NFKBIA: variants seen among roughly 807,000 people sequenced by gnomAD.
NFKBIA encodes the protein NFKB inhibitor alpha, also known as NF-kappa-B inhibitor alpha.
A neutral mutation model predicts 36.3 loss-of-function variants in NFKBIA; 10 were observed. The ratio of observed to expected loss-of-function variants is 0.28; its 90% confidence interval spans 0.17 to 0.47. The LOEUF (loss-of-function observed/expected upper bound fraction) is 0.47, where lower values mean the gene tolerates loss of function less well. Among genes scored for constraint, NFKBIA ranks in the 20% least tolerant of loss-of-function variants. The probability of loss-of-function intolerance (pLI) is 0.99; values close to 1 mark genes in which losing one functional copy is unlikely to be tolerated. For synonymous variants in NFKBIA, 205 were observed against 164.4 expected (o/e 1.25, Z -1.89); for missense variants, 355 against 399.3 (o/e 0.89, Z 0.94).
intron 1 of NFKBIA, 41 bp from the exon 2 acceptor site, chr14:35,403,839 C>A: frequency 6.8e-7 from 1 of 1,478,780 alleles, no homozygotes; most frequent in East Asian, 2.3e-5. Flanking sequence ...GTGGTGAGTG[C>A]ACCGCGTGGG....
In NFKBIA at chr14:35,403,761, G is replaced by A. The variant is rs201058640; in HGVS notation, c.265C>T (p.Leu89=). 16 of 1,614,030 alleles carry A rather than the reference G, an allele frequency of 9.9e-6. No individual in the cohort carries two copies. The highest frequency in any genetic ancestry group is 8.9e-5 in the East Asian group (4 of 44,872). ...HLAIIHEEKA[L]TMEVIRQVKG... ...ACCTGGCGGATCACTTCCATGGTCAGTGCCTTTTCTTCATGGATGATGGCC... is the reference window on the plus strand; with the variant it reads ...ACCTGGCGGATCACTTCCATGGTCAATGCCTTTTCTTCATGGATGATGGCC... Residue 89 remains leucine (L), a synonymous_variant, in exon 2 of 6, where the codon CTG becomes TTG. Transcript: ENST00000216797.
At chr14:35,403,594 C>G (rs770751587) in intron 2 of NFKBIA, 96 bp downstream of exon 2, 3 of 911,606 alleles carry the variant, frequency 3.3e-6, no homozygotes, top group Non-Finnish European at 5.4e-6. Context: ...GTAAATAGTG[C>G]TCAGTGGCCC....
intron 2 of NFKBIA, 86 bp from the exon 3 acceptor site, chr14:35,403,446 G>A (rs1197403453): frequency 1.4e-6 from 2 of 1,443,936 alleles, no homozygotes; most frequent in African/African-American, 1.4e-5. Flanking sequence ...TCCTGGTTGG[G>A]TGCTGCTCCT....
At chr14:35,402,935 A>G in intron 3 of NFKBIA, 76 bp from the exon 4 acceptor site, 2 of 1,439,324 alleles carry the variant, frequency 1.4e-6, no homozygotes, top group South Asian at 2.3e-5. Context: ...TTATGGAACA[A>G]GTAGTCTTAT....
chr14:35,403,400 C>A (rs772730916), intron 2 of NFKBIA, 40 bp from the exon 3 acceptor site: 1 of 1,605,036 alleles, frequency 6.2e-7, no homozygotes, highest in Non-Finnish European at 8.5e-7. Context: ...AAGCCATGGA[C>A]CAAACCCACA....
rs369801548 is a variant in NFKBIA, at chr14:35,404,489, G to T, written c.156C>A (p.Ile52=). 9.4e-6 allele frequency: 15 copies of T among 1,603,424 alleles called. No individual in the cohort carries two copies. The Admixed American group carries it at 1.0e-4, about 11-fold the overall frequency. ...GCGGCACCTCCTGCGGCTCGAGGCG[G>T]ATCTCCTGCAGCTCCTTGACCATCT... ...YEQMVKELQE[I]RLEPQEVPRG... Residue 52 remains isoleucine, a synonymous_variant, in exon 1 of 6, where the codon ATC becomes ATA. Coordinates refer to ENST00000216797, the MANE Select transcript of NFKBIA (RefSeq NM_020529.3).
Position 35,404,293 on chromosome 14 carries a change from C to T in NFKBIA, c.227+125G>A, listed in dbSNP as rs1041596483. 3.7e-5 allele frequency: 23 copies of T among 623,712 alleles called. No individual in the cohort carries two copies. In the African/African-American group the frequency reaches 4.4e-4, roughly 12 times the overall value. 38.6% of individuals were successfully genotyped at this position (623,712 alleles called of 1,614,324 possible). A position where few individuals can be genotyped will look rare whatever the true frequency, so the allele number is the denominator to read the frequency against. On this transcript the variant is annotated intron_variant, in intron 1 of 5. Transcript: ENST00000216797. ...GGGCGGTGCAGGAGCCCCGGGGTGC[C>T]GCGGCGCCCGCCCGGCTGCATCGCT...
Position 35,402,490 on chromosome 14 carries a change from G to T in NFKBIA, c.810C>A (p.Gly270=). 1 of 1,614,160 alleles carries T rather than the reference G, an allele frequency of 6.2e-7. No individual in the cohort carries two copies. Among genetic ancestry groups the T allele is most frequent in the South Asian group, 1.1e-5 (1 of 91,084 alleles). ...RPSTRIQQQL[G]QLTLENLQML... is the part of the protein sequence containing the mutation. ...TCTGAAGGTTTTCTAGTGTCAGCTG[G>T]CCCAGCTGCTGCTGTATCCGGGTGC... The change falls in exon 5 of 6, where the codon GGC becomes GGA. Residue 270 remains glycine (G), a synonymous_variant. Transcript: ENST00000216797.
chr14:35,404,121 G>C (rs1022513534), intron 1 of NFKBIA: 2 of 392,122 alleles, frequency 5.1e-6, no homozygotes, highest in Admixed American at 4.4e-5. Context: ...CGGGGACTTC[G>C]CGTCCCCGCT....
chr14:35,403,632 C>G (rs1024013415), intron 2 of NFKBIA, 58 bp downstream of exon 2: 4 of 1,238,048 alleles, frequency 3.2e-6, no homozygotes, highest in Non-Finnish European at 4.7e-6. Flanking sequence ...TGGGGTGACT[C>G]TGCTACATCA....
intron 5 of NFKBIA, 138 bp downstream of exon 5, chr14:35,402,256 G>A: frequency 7.7e-7 from 1 of 1,301,670 alleles, no homozygotes. Context: ...GTACATTCTT[G>A]GGATACTGGT....
Position 35,403,727 on chromosome 14 carries a change from T to C in NFKBIA, c.299A>G (p.Asp100Gly), listed in dbSNP as rs753891384. The C allele has an allele frequency of 4.3e-5, 69 of 1,613,840 alleles. No homozygotes were observed. The highest frequency in any genetic ancestry group is 5.8e-5 in the Non-Finnish European group (69 of 1,179,930). Residue 100 changes from aspartate (D) to glycine (G), a missense_variant, in exon 2 of 6, where the codon GAC becomes GGC. Asp to Gly is a moderately conservative substitution (Grantham distance 94, BLOSUM62 -1). Transcript: ENST00000216797. ...TMEVIRQVKGDLAFLNFQNNL... is the reference protein window; with the variant it reads ...TMEVIRQVKGGLAFLNFQNNL... ...GTTCTGGAAGTTGAGGAAGGCCAGG[T>C]CTCCCTTCACCTGGCGGATCACTTC...
intron 3 of NFKBIA, 57 bp downstream of exon 3, chr14:35,403,093 C>G: frequency 6.3e-7 from 1 of 1,581,800 alleles, no homozygotes. Context: ...CCACCTGCCC[C>G]TTCTCCACGT....
Position 35,404,404 on chromosome 14 carries a change from C to T in NFKBIA, c.227+14G>A, listed in dbSNP as rs1177305901. The T allele has an allele frequency of 2.2e-6, 3 of 1,342,290 alleles. No individual in the cohort carries two copies. The African/African-American group carries it at 4.6e-5, about 20-fold the overall frequency. 83.1% of individuals were successfully genotyped at this position (1,342,290 alleles called of 1,614,324 possible). A position where few individuals can be genotyped will look rare whatever the true frequency, so the allele number is the denominator to read the frequency against. On this transcript the variant is annotated intron_variant, in intron 1 of 5. Coordinates refer to ENST00000216797, the MANE Select transcript of NFKBIA (RefSeq NM_020529.3). The stretch of plus-strand genomic sequence containing the variant: ...CCTCCCGACGACCCCCAGCCCCGGG[C>T]CTCCGCCACTTACGAGTCCCCGTCC...
rs552031218 is a variant in NFKBIA, at chr14:35,403,924, C to A, written c.228-126G>T. ...GAGGCCGAGGCCGCGGTGTTTTCCG[C>A]GAGGTTATTATGAGCTGAGTGTTCC... is the stretch of plus-strand genomic sequence containing the variant. On this transcript the variant is annotated intron_variant, in intron 1 of 5. Transcript: ENST00000216797. 2.0e-3 allele frequency: 1,444 copies of A among 736,710 alleles called. 30 individuals are homozygous for A. In the South Asian group the frequency reaches 0.021, roughly 11 times the overall value. The allele number at this position is 736,710 out of a possible 1,614,324, so 45.6% of individuals were successfully genotyped here. A position where few individuals can be genotyped will look rare whatever the true frequency, so the allele number is the denominator to read the frequency against.
chr14:35,403,059 C>T, intron 3 of NFKBIA, 91 bp downstream of exon 3: 3 of 1,446,100 alleles, frequency 2.1e-6, no homozygotes, highest in East Asian at 4.5e-5. Context: ...AGTTTAAGCT[C>T]TTGCCTGGAC....
chr14:35,403,515 G>C, intron 2 of NFKBIA, 155 bp from the exon 3 acceptor site: 1 of 912,296 alleles, frequency 1.1e-6, no homozygotes. Flanking sequence ...GGGTCATAAA[G>C]ACCTCACCAA....
At chr14:35,404,352 C>A in intron 1 of NFKBIA, 66 bp downstream of exon 1, 31 of 717,182 alleles carry the variant, frequency 4.3e-5, no homozygotes, top group Non-Finnish European at 5.5e-5. Flanking sequence ...CCCGGCGCCT[C>A]CCACCCCCAG....
chr14:35,403,256 G>A lies in NFKBIA; in HGVS notation c.441C>T (p.Pro147=), dbSNP rs375015401. Residue 147 remains proline, a synonymous_variant, in exon 3 of 6, where the codon CCC becomes CCT. Coordinates refer to ENST00000216797, the MANE Select transcript of NFKBIA (RefSeq NM_020529.3). ...PELRDFRGNT[P]LHLACEQGCL... ...AGCCCTGCTCACAGGCAAGGTGTAG[G>A]GGGGTATTTCCTCGAAAGTCTCGGA... The A allele has an allele frequency of 6.9e-5, 112 of 1,613,436 alleles. No individual in the cohort carries two copies. Among genetic ancestry groups the A allele is most frequent in the Non-Finnish European group, 9.2e-5 (108 of 1,180,032 alleles).
Sources: gnomAD v4.1 joint callset for allele counts on GRCh38, gnomAD v4.1.1 for gene constraint, MANE v1.5 for transcripts, NCBI Gene and HGNC (gene_info 2026-07-23, HGNC 2026-07-21) for gene names.